Variants in ERBB4 observed in about 807,000 individuals in gnomAD.
ERBB4 encodes the protein erb-b2 receptor tyrosine kinase 4.
ERBB4 carries 42 observed loss-of-function variants against 158.0 expected under a neutral mutation model. The ratio of observed to expected loss-of-function variants is 0.27; its 90% CI spans 0.21 to 0.34. The LOEUF (loss-of-function observed/expected upper bound fraction) is 0.34. Ranked by LOEUF, ERBB4 falls within the 10% of genes least tolerant of loss-of-function variation. The pLI, the probability that ERBB4 is intolerant of heterozygous loss-of-function variation, is 1.00. For missense variants in ERBB4, 1,333 were observed against 1,624.1 expected (o/e 0.82, Z 3.08); for synonymous variants, 583 against 558.7 (o/e 1.04, Z -0.61).
At chr2:211,597,482 T>C (rs1405073670) in intron 19 of ERBB4, among the ~76,000 whole-genome samples, 1 of 152,178 alleles carries the variant, frequency 6.6e-6, no homozygotes, top group Non-Finnish European at 1.5e-5. Context: ...AAATAATGTT[T>C]TCCTATATTG....
intron 2 of ERBB4, among the ~76,000 whole-genome samples, chr2:212,061,828 T>A (rs747208317): frequency 2.0e-5 from 3 of 151,342 alleles, no homozygotes; most frequent in Non-Finnish European, 2.9e-5. Context: ...CTCCACCTCC[T>A]GGGTTCTAGC....
intron 1 of ERBB4, among the ~76,000 whole-genome samples, chr2:212,394,647 T>C (rs1245237238): frequency 1.3e-5 from 2 of 152,130 alleles, no homozygotes; most frequent in African/African-American, 2.4e-5. Context: ...TCCACGTGCT[T>C]CCATGTGCTT....
intron 2 of ERBB4, among the ~76,000 whole-genome samples, chr2:212,096,390 T>C (rs549497626): frequency 9.9e-5 from 15 of 152,252 alleles, no homozygotes; most frequent in African/African-American, 3.6e-4. Flanking sequence ...AGGATATCCT[T>C]AGAGAACTTG....
At chr2:212,079,105 T>C (rs965658986) in intron 2 of ERBB4, among the ~76,000 whole-genome samples, 8 of 151,100 alleles carry the variant, frequency 5.3e-5, no homozygotes, top group Admixed American at 4.6e-4. Context: ...TGATGTTAGA[T>C]ATAATAATAA....
At chr2:212,057,457 C>A (rs1244253843) in intron 2 of ERBB4, among the ~76,000 whole-genome samples, 4 of 152,158 alleles carry the variant, frequency 2.6e-5, no homozygotes, top group African/African-American at 9.7e-5. Context: ...AACTCTCCAC[C>A]CCAAATCAAC....
chr2:212,023,348 T>C (rs1451011527), intron 2 of ERBB4, among the ~76,000 whole-genome samples: 2 of 152,116 alleles, frequency 1.3e-5, no homozygotes, highest in African/African-American at 4.8e-5. Flanking sequence ...TCTTCTGAAC[T>C]GGGTATTACA....
At chr2:211,709,248 TATAC>T (rs1477646563) in intron 9 of ERBB4, among the ~76,000 whole-genome samples, 1 of 82,300 alleles carries the variant, frequency 1.2e-5, no homozygotes, top group Non-Finnish European at 2.2e-5. Context: ...TATATATATA[TATAC>T]ACATATATAT....
chr2:211,941,367 A>C (rs2125121735), intron 3 of ERBB4, among the ~76,000 whole-genome samples: 1 of 152,120 alleles, frequency 6.6e-6, no homozygotes, highest in East Asian at 1.9e-4. Context: ...TCCCTGAACT[A>C]GCCTGGTTGA....
chr2:211,505,422 A>T (rs776284322), intron 20 of ERBB4, among the ~76,000 whole-genome samples: 1 of 152,212 alleles, frequency 6.6e-6, no homozygotes, highest in Non-Finnish European at 1.5e-5. Context: ...GGGAATTGCT[A>T]TCACTAGACT....
chr2:212,407,173 G>T (rs953809268), intron 1 of ERBB4, among the ~76,000 whole-genome samples: 2 of 150,832 alleles, frequency 1.3e-5, no homozygotes, highest in Admixed American at 1.3e-4. Flanking sequence ...TTATCTATAT[G>T]ATATAACACA....
At chr2:212,311,941 G>A (rs558696707) in intron 1 of ERBB4, among the ~76,000 whole-genome samples, 1 of 151,068 alleles carries the variant, frequency 6.6e-6, no homozygotes, top group African/African-American at 2.4e-5. Context: ...GAAAGGGAGA[G>A]GATGCCCAGG....
At chr2:212,093,870 G>GA (rs1038422387) in intron 2 of ERBB4, among the ~76,000 whole-genome samples, 1 of 151,648 alleles carries the variant, frequency 6.6e-6, no homozygotes, top group African/African-American at 2.4e-5. Context: ...TGACACATCA[G>GA]AAAAAAATAA....
At chr2:212,081,869 A>G (rs778974007) in intron 2 of ERBB4, among the ~76,000 whole-genome samples, 1 of 152,158 alleles carries the variant, frequency 6.6e-6, no homozygotes, top group Non-Finnish European at 1.5e-5. Flanking sequence ...TACAGGCAGC[A>G]AACATCAGAC....
At chr2:211,902,199 C>T (rs906629042) in intron 3 of ERBB4, among the ~76,000 whole-genome samples, 13 of 152,042 alleles carry the variant, frequency 8.6e-5, no homozygotes, top group Non-Finnish European at 4.4e-5. Flanking sequence ...TGTGCCTCCA[C>T]AAAGACTATT....
intron 13 of ERBB4, among the ~76,000 whole-genome samples, chr2:211,673,462 C>A (rs1254324036): frequency 2.8e-5 from 4 of 141,476 alleles, no homozygotes; most frequent in African/African-American, 1.1e-4. Flanking sequence ...CCATTGAGTT[C>A]AATGTTAGAC....
chr2:212,161,149 C>G (rs2081191921), intron 1 of ERBB4, among the ~76,000 whole-genome samples: 1 of 151,784 alleles, frequency 6.6e-6, no homozygotes, highest in Non-Finnish European at 1.5e-5. Context: ...ACAATAACAA[C>G]TCAAAAAGTC....
chr2:211,830,135 C>A (rs1340698873), intron 3 of ERBB4, among the ~76,000 whole-genome samples: 3 of 152,190 alleles, frequency 2.0e-5, no homozygotes, highest in African/African-American at 7.2e-5. Flanking sequence ...CCATATCCCA[C>A]AACTCTTTCT....
At chr2:212,076,752 T>G (rs1480092767) in intron 2 of ERBB4, among the ~76,000 whole-genome samples, 1 of 151,774 alleles carries the variant, frequency 6.6e-6, no homozygotes. Context: ...CAAAACTGCT[T>G]GAAGAATGGC....
chr2:211,963,893 G>A (rs1472097783), intron 2 of ERBB4, among the ~76,000 whole-genome samples: 3 of 152,092 alleles, frequency 2.0e-5, no homozygotes, highest in Non-Finnish European at 4.4e-5. Flanking sequence ...TCTCCAACCT[G>A]TACCCAGTAA....
Sources: allele counts gnomAD v4.1 joint callset (sites outside exome capture counted in the v4.1 genomes callset), GRCh38; gene constraint gnomAD v4.1.1; transcripts MANE v1.5; gene names NCBI Gene and HGNC (gene_info 2026-07-23, HGNC 2026-07-21).